ARHGAP26: variants seen among roughly 807,000 people sequenced by gnomAD.
ARHGAP26 encodes rho GTPase-activating protein 26.
ARHGAP26 carries 38 observed loss-of-function variants against 104.8 expected under a neutral mutation model. The ratio of observed to expected loss-of-function variants is 0.36; its 90% CI spans 0.28 to 0.48. The LOEUF (loss-of-function observed/expected upper bound fraction) is 0.48. ARHGAP26 is among the 20% of genes least tolerant of loss of function. The pLI, the probability that ARHGAP26 is intolerant of heterozygous loss-of-function variation, is 0.99. For synonymous variants in ARHGAP26, 341 were observed against 340.0 expected (o/e 1.00, Z -0.03); for missense variants, 704 against 947.9 (o/e 0.74, Z 3.38).
At chr5:143,160,483 T>A (rs1801092261) in intron 20 of ARHGAP26, among the ~76,000 whole-genome samples, 1 of 150,908 alleles carries the variant, frequency 6.6e-6, no homozygotes, top group African/African-American at 2.4e-5. Flanking sequence ...TGGTTTTTTT[T>A]TCTTTCTTTT....
intron 11 of ARHGAP26, among the ~76,000 whole-genome samples, chr5:143,008,659 C>T (rs1175923578): frequency 1.3e-5 from 2 of 152,278 alleles, no homozygotes; most frequent in Non-Finnish European, 2.9e-5. Context: ...TTATTTTGTC[C>T]AGATTTTGAT....
chr5:142,844,347 A>T (rs962895649), intron 1 of ARHGAP26, among the ~76,000 whole-genome samples: 4 of 151,708 alleles, frequency 2.6e-5, no homozygotes, highest in Admixed American at 2.6e-4. Context: ...CACAGTGCCC[A>T]GTGCTTTATA....
chr5:142,922,803 T>C (rs1021149011), intron 10 of ARHGAP26, among the ~76,000 whole-genome samples: 12 of 152,220 alleles, frequency 7.9e-5, no homozygotes, highest in African/African-American at 2.7e-4. Context: ...CCATTTTTCC[T>C]GGTTTCAGAC....
chr5:143,189,968 A>G (rs1453342361), intron 20 of ARHGAP26, among the ~76,000 whole-genome samples: 1 of 151,546 alleles, frequency 6.6e-6, no homozygotes, highest in Non-Finnish European at 1.5e-5. Flanking sequence ...CTAAGGCACA[A>G]TTCACTCTTC....
At chr5:142,903,494 C>A (rs764186061) in intron 7 of ARHGAP26, 46 bp from the exon 8 acceptor site, 3 of 1,594,508 alleles carry the variant, frequency 1.9e-6, no homozygotes, top group Non-Finnish European at 2.6e-6. Context: ...ATTGTTAAAA[C>A]AGATACTTTG....
intron 20 of ARHGAP26, among the ~76,000 whole-genome samples, chr5:143,176,038 C>T (rs1031792691): frequency 1.3e-5 from 2 of 152,172 alleles, no homozygotes; most frequent in African/African-American, 4.8e-5. Context: ...CACTTGAACC[C>T]AGGAGGTGGA....
rs752272942 is a variant in ARHGAP26 at position 143,147,301 on chromosome 5, T to C, written c.1908T>C (p.Asn636=). The change falls in exon 20 of 23, where the codon AAT becomes AAC. Residue 636 remains asparagine (N), a synonymous_variant. Transcript: ENST00000645722. Reference sequence around the variant, plus strand: ...CATCAAATCCAAACAGCATCCTTAATTCCAGCAGCAGCTTACAGCCCAACA... The same window carrying C: ...CATCAAATCCAAACAGCATCCTTAACTCCAGCAGCAGCTTACAGCCCAACA... The part of the protein sequence containing the change: ...SVSSNPNSIL[N]SSSSLQPNMN... 1 of 1,614,082 alleles carries C rather than the reference T, an allele frequency of 6.2e-7. No individual in the cohort carries two copies. Among genetic ancestry groups the C allele is most frequent in the Non-Finnish European group, 8.5e-7 (1 of 1,179,976 alleles).
chr5:143,096,099 A>T (rs955224161), intron 17 of ARHGAP26, among the ~76,000 whole-genome samples: 1 of 152,212 alleles, frequency 6.6e-6, no homozygotes, highest in South Asian at 2.1e-4. Flanking sequence ...TTACATTAAG[A>T]TCTATTGACC....
chr5:143,015,667 C>A (rs1779491514), intron 12 of ARHGAP26, among the ~76,000 whole-genome samples: 1 of 152,186 alleles, frequency 6.6e-6, no homozygotes, highest in Non-Finnish European at 1.5e-5. Flanking sequence ...CAGATACTCA[C>A]ACCTGGCCCT....
At chr5:142,905,459 G>A (rs761733696) in intron 8 of ARHGAP26, among the ~76,000 whole-genome samples, 8 of 151,860 alleles carry the variant, frequency 5.3e-5, no homozygotes, top group Admixed American at 4.6e-4. Context: ...CAGAAAAGTC[G>A]CAACAATGGT....
rs138549214 is a variant in ARHGAP26, at chr5:143,000,131, G to T, written c.1108-13949G>T. On this transcript the variant is annotated intron_variant, in intron 11 of 22. Coordinates refer to ENST00000645722, the MANE Select transcript of ARHGAP26 (RefSeq NM_001135608.3). ...ACAATGAAAAGATTGGCAAGTGCTG[G>T]TGAGGATGTGAAGCAACCCAAACTC... Among the ~76,000 whole-genome samples, 605 of 152,322 alleles carry T rather than the reference G, an allele frequency of 4.0e-3. 2 individuals are homozygous for T. Among genetic ancestry groups the T allele is most frequent in the Non-Finnish European group, 6.7e-3 (459 of 68,020 alleles).
intron 1 of ARHGAP26, among the ~76,000 whole-genome samples, chr5:142,853,834 G>A (rs1359013194): frequency 6.6e-6 from 1 of 152,118 alleles, no homozygotes; most frequent in Non-Finnish European, 1.5e-5. Context: ...CCAGAGAGTT[G>A]GGTTATGCGT....
intron 20 of ARHGAP26, among the ~76,000 whole-genome samples, chr5:143,181,486 G>A (rs971408299): frequency 3.3e-5 from 5 of 152,068 alleles, no homozygotes; most frequent in Non-Finnish European, 5.9e-5. Context: ...GAGAACTCTC[G>A]CGTGTTAGGG....
Position 142,873,422 on chromosome 5 carries a change from G to A in ARHGAP26, c.177G>A (p.Lys59=). 3 of 1,596,406 alleles carry A rather than the reference G, an allele frequency of 1.9e-6. No individual in the cohort carries two copies. The highest frequency in any genetic ancestry group is 1.7e-6 in the Non-Finnish European group (2 of 1,175,614). ...TAGATTTGTCTTCAGCGAAGCGGAA[G>A]TTTGCAGATTCCTTAAATGAATTTA... The part of the protein sequence containing the change: ...ALKNLSSAKR[K]FADSLNEFKF... The change falls in exon 2 of 23, where the codon AAG becomes AAA. Residue 59 remains lysine (K), a synonymous_variant. Transcript: ENST00000645722.
chr5:143,216,150 G>A (rs1296430905), intron 22 of ARHGAP26: 2 of 471,558 alleles, frequency 4.2e-6, no homozygotes, highest in Non-Finnish European at 8.8e-6. Context: ...AGAGAAGCCT[G>A]GATGATTGTT....
chr5:142,930,830 T>A (rs1056500174), intron 10 of ARHGAP26, among the ~76,000 whole-genome samples: 12 of 152,232 alleles, frequency 7.9e-5, no homozygotes, highest in African/African-American at 2.7e-4. Flanking sequence ...TAAATTATGT[T>A]AAACACAAAT....
At chr5:143,161,545 A>G (rs1801241698) in intron 20 of ARHGAP26, among the ~76,000 whole-genome samples, 1 of 152,152 alleles carries the variant, frequency 6.6e-6, no homozygotes, top group Non-Finnish European at 1.5e-5. Flanking sequence ...AGAATATATA[A>G]TGGAAAAACC....
intron 14 of ARHGAP26, among the ~76,000 whole-genome samples, chr5:143,052,576 A>C (rs539557736): frequency 1.6e-4 from 25 of 152,300 alleles, no homozygotes; most frequent in South Asian, 1.2e-3. Flanking sequence ...AACATCATAC[A>C]GGTACTGTGC....
chr5:142,914,952 C>T (rs1364422396), intron 10 of ARHGAP26, among the ~76,000 whole-genome samples: 1 of 152,156 alleles, frequency 6.6e-6, no homozygotes, highest in Non-Finnish European at 1.5e-5. Flanking sequence ...TAGAGATAAC[C>T]GTCTGCTGCA....
Sources: gnomAD v4.1 joint callset for allele counts (sites outside exome capture counted in the v4.1 genomes callset) on GRCh38, gnomAD v4.1.1 for gene constraint, MANE v1.5 for transcripts, NCBI Gene and HGNC (gene_info 2026-07-23, HGNC 2026-07-21) for gene names.